The following PRRX1 variants were observed in gnomAD, a reference collection of about 807,000 sequenced individuals.
The protein encoded by PRRX1 is paired related homeobox 1, also known as paired mesoderm homeobox protein 1.
PRRX1 carries 8 observed loss-of-function variants against 24.0 expected under a neutral mutation model. That is an observed-to-expected ratio of 0.33 (90% CI 0.20 to 0.60). The LOEUF is 0.60. PRRX1 is among the 20% of genes least tolerant of loss of function. The probability of loss-of-function intolerance (pLI) is 0.82; values close to 1 mark genes in which losing one functional copy is unlikely to be tolerated. For missense variants in PRRX1, 281 were observed against 322.4 expected (o/e 0.87, Z 0.98); for synonymous variants, 160 against 131.7 (o/e 1.22, Z -1.47).
intron 1 of PRRX1, among the ~76,000 whole-genome samples, chr1:170,686,760 G>A (rs1653756553): frequency 6.6e-6 from 1 of 152,050 alleles, no homozygotes; most frequent in Non-Finnish European, 1.5e-5. Context: ...TCTCTAACTT[G>A]CACACTCCAG....
Position 170,736,641 on chromosome 1 carries a change from A to G in PRRX1, c.*455A>G, listed in dbSNP as rs575989041. The G allele has an allele frequency of 6.5e-5, 13 of 201,376 alleles. No individual in the cohort carries two copies. The highest frequency in any genetic ancestry group is 2.3e-4 in the Admixed American group (4 of 17,356). The allele number at this position is 201,376 out of a possible 1,614,324, so 12.5% of individuals were successfully genotyped here. On this transcript the variant is annotated 3_prime_UTR_variant, in exon 4 of 4. Transcript: ENST00000239461. Reference sequence around the variant, plus strand: ...TAGTGCCTTACCCTGTCCTCTTCCCAGTTCTCTTTATAGAAGCTCTAGGAG... The same window carrying G: ...TAGTGCCTTACCCTGTCCTCTTCCCGGTTCTCTTTATAGAAGCTCTAGGAG...
intron 1 of PRRX1, among the ~76,000 whole-genome samples, chr1:170,709,685 C>G (rs945385425): frequency 2.6e-5 from 4 of 152,192 alleles, no homozygotes; most frequent in Admixed American, 1.3e-4. Context: ...CAACATTTCT[C>G]TCTACTCAGA....
At chr1:170,704,860 G>C (rs1654505928) in intron 1 of PRRX1, among the ~76,000 whole-genome samples, 1 of 152,114 alleles carries the variant, frequency 6.6e-6, no homozygotes. Flanking sequence ...ATCATCTTGG[G>C]ATCAAACTAA....
At chr1:170,678,366 G>A (rs1023392438) in intron 1 of PRRX1, among the ~76,000 whole-genome samples, 10 of 152,168 alleles carry the variant, frequency 6.6e-5, no homozygotes, top group African/African-American at 1.9e-4. Context: ...AGCAGTTGTC[G>A]TACATGTGGA....
At chr1:170,665,181 C>T (rs879810000) in intron 1 of PRRX1, among the ~76,000 whole-genome samples, 1 of 152,258 alleles carries the variant, frequency 6.6e-6, no homozygotes. Context: ...TCCAGCCCCG[C>T]ATGATCCCGC....
At chr1:170,719,929 C>A in intron 2 of PRRX1, 28 bp downstream of exon 2, 7 of 1,611,828 alleles carry the variant, frequency 4.3e-6, no homozygotes, top group Non-Finnish European at 5.9e-6. Context: ...AGGCTGGCAC[C>A]AAGTAGTACC....
intron 1 of PRRX1, among the ~76,000 whole-genome samples, chr1:170,686,071 C>T (rs907466267): frequency 2.0e-5 from 3 of 151,266 alleles, no homozygotes; most frequent in African/African-American, 7.3e-5. Context: ...GACCGTCTGC[C>T]TCCAAGGCTG....
intron 1 of PRRX1, among the ~76,000 whole-genome samples, chr1:170,678,925 A>C (rs1452699294): frequency 1.3e-5 from 2 of 152,206 alleles, no homozygotes; most frequent in African/African-American, 4.8e-5. Context: ...GGCCCCACTC[A>C]TACCCAGTGA....
chr1:170,730,376 G>A (rs1361481341), intron 3 of PRRX1: 1 of 1,564,432 alleles, frequency 6.4e-7, no homozygotes, highest in South Asian at 1.1e-5. Flanking sequence ...GAAGAGGGTG[G>A]CTGCTTGGGG....
At chr1:170,696,667 C>T (rs558624619) in intron 1 of PRRX1, among the ~76,000 whole-genome samples, 1 of 152,144 alleles carries the variant, frequency 6.6e-6, no homozygotes, top group Non-Finnish European at 1.5e-5. Flanking sequence ...TGGGGGCTTA[C>T]ACTAAGAGTC....
At chr1:170,702,239 C>G (rs1008859267) in intron 1 of PRRX1, among the ~76,000 whole-genome samples, 1 of 152,184 alleles carries the variant, frequency 6.6e-6, no homozygotes, top group African/African-American at 2.4e-5. Flanking sequence ...TGGCCCTGTT[C>G]CTATCAGGCC....
At chr1:170,668,289 T>C (rs530848526) in intron 1 of PRRX1, 5 of 152,318 alleles carry the variant, frequency 3.3e-5, no homozygotes, top group African/African-American at 9.6e-5. Flanking sequence ...CATCCCGCTG[T>C]CATTTCTTAA....
At position 170,718,987 on chromosome 1, in the gene PRRX1, T is replaced by C. The variant is rs114255454; in HGVS notation, c.242-739T>C. On this transcript the variant is annotated intron_variant, in intron 1 of 3. Coordinates refer to ENST00000239461, the MANE Select transcript of PRRX1 (RefSeq NM_022716.4). ...CCCTAAGATCTCAGGGTCCTAGAAC[T>C]CAAGTTTGAGTGAAACATTTTCAGG... Among the ~76,000 whole-genome samples the C allele has an allele frequency of 2.6e-3, 392 of 152,312 alleles. 2 individuals are homozygous for C. Among genetic ancestry groups the C allele is most frequent in the African/African-American group, 9.1e-3 (380 of 41,574 alleles).
intron 1 of PRRX1, chr1:170,669,425 C>CAGAAAAA (rs1653064063): frequency 4.5e-5 from 1 of 22,298 alleles, no homozygotes. Context: ...CTCCCCACTG[C>CAGAAAAA]AAAAAAAAAA....
intron 3 of PRRX1, among the ~76,000 whole-genome samples, chr1:170,729,323 G>A (rs973064195): frequency 6.6e-6 from 1 of 152,186 alleles, no homozygotes; most frequent in African/African-American, 2.4e-5. Context: ...CATCCCATTG[G>A]ACTGATAGAC....
intron 1 of PRRX1, among the ~76,000 whole-genome samples, chr1:170,704,350 A>T (rs76157942): frequency 0.021 from 3,208 of 152,340 alleles, 57 homozygotes; most frequent in East Asian, 0.067. Context: ...ACTGAGAATA[A>T]AGTGGGGGAC....
chr1:170,685,028 G>A (rs150162302), intron 1 of PRRX1, among the ~76,000 whole-genome samples: 20 of 152,206 alleles, frequency 1.3e-4, no homozygotes, highest in African/African-American at 4.8e-4. Flanking sequence ...AACAAGAAAG[G>A]CAGTCATCTG....
At chr1:170,700,476 T>G (rs78013753) in intron 1 of PRRX1, among the ~76,000 whole-genome samples, 2 of 152,154 alleles carry the variant, frequency 1.3e-5, no homozygotes, top group Non-Finnish European at 2.9e-5. Flanking sequence ...GTGTGTGTCA[T>G]AGATTGAAAG....
At chr1:170,714,168 CAAAT>C (rs1227985462) in intron 1 of PRRX1, among the ~76,000 whole-genome samples, 1 of 152,212 alleles carries the variant, frequency 6.6e-6, no homozygotes, top group African/African-American at 2.4e-5. Context: ...CAAAGAAACT[CAAAT>C]GAATGCCACA....
Sources: gnomAD v4.1 joint callset for allele counts (sites outside exome capture counted in the v4.1 genomes callset) on GRCh38, gnomAD v4.1.1 for gene constraint, MANE v1.5 for transcripts, NCBI Gene and HGNC (gene_info 2026-07-23, HGNC 2026-07-21) for gene names.